Variants in EIF4G3 observed in about 807,000 individuals in gnomAD.
EIF4G3 encodes the protein eIF-4-gamma 3.
In EIF4G3, 34 loss-of-function variants were observed where a neutral mutation model predicts 186.4. The ratio of observed to expected loss-of-function variants is 0.18; its 90% confidence interval spans 0.14 to 0.24. The LOEUF (loss-of-function observed/expected upper bound fraction) is 0.24. Ranked by LOEUF, EIF4G3 falls within the 10% of genes least tolerant of loss-of-function variation. The pLI is 1.00. For synonymous variants in EIF4G3, 673 were observed against 679.5 expected, an observed-to-expected ratio of 0.99 and a Z score of 0.15; for missense variants, 1,536 against 1,948.5, an observed-to-expected ratio of 0.79 and a Z score of 3.99.
intron 20 of EIF4G3, among the ~76,000 whole-genome samples, chr1:20,876,444 A>T (rs1438790517): frequency 8.6e-6 from 1 of 116,594 alleles, no homozygotes; most frequent in South Asian, 2.6e-4. Context: ...TTTATTAAGT[A>T]AAAAAAAAAA....
At chr1:20,833,446 T>C (rs1298576242) in intron 30 of EIF4G3, among the ~76,000 whole-genome samples, 4 of 152,124 alleles carry the variant, frequency 2.6e-5, no homozygotes, top group Non-Finnish European at 1.5e-5. Context: ...GTGATTTTTG[T>C]ACATTGATTT....
At chr1:21,090,398 G>A (rs971107497) in intron 2 of EIF4G3, among the ~76,000 whole-genome samples, 1 of 152,138 alleles carries the variant, frequency 6.6e-6, no homozygotes, top group African/African-American at 2.4e-5. Flanking sequence ...AATTTCATCA[G>A]AGAAATCCAA....
At chr1:21,053,096 G>A (rs1300084346) in intron 3 of EIF4G3, among the ~76,000 whole-genome samples, 2 of 151,230 alleles carry the variant, frequency 1.3e-5, no homozygotes, top group Non-Finnish European at 3.0e-5. Flanking sequence ...GGAAAGTGAG[G>A]AGCGTCTCTG....
chr1:21,053,127 G>C (rs1377825525), intron 3 of EIF4G3, among the ~76,000 whole-genome samples: 1 of 151,854 alleles, frequency 6.6e-6, no homozygotes, highest in East Asian at 2.0e-4. Flanking sequence ...ATCCCATCTA[G>C]GAAGTGAGGA....
intron 2 of EIF4G3, among the ~76,000 whole-genome samples, chr1:21,129,046 A>G (rs923198222): frequency 2.0e-5 from 3 of 152,158 alleles, no homozygotes; most frequent in Non-Finnish European, 2.9e-5. Context: ...CGGGCGGGGT[A>G]GCTCATGCCT....
chr1:21,067,232 A>C lies in EIF4G3; in HGVS notation c.-195-16238T>G, dbSNP rs1334097706. On this transcript the variant is annotated intron_variant, in intron 3 of 36. Coordinates refer to ENST00000602326, the MANE Select transcript of EIF4G3 (RefSeq NM_001391906.1). Reference sequence around the variant, plus strand: ...ACTGCAACCTCTGCTTCTGGGGTTTAAGGGATTCTCCTGCCTCAGCCTCCC... The same window carrying C: ...ACTGCAACCTCTGCTTCTGGGGTTTCAGGGATTCTCCTGCCTCAGCCTCCC... Among the ~76,000 whole-genome samples the C allele has an allele frequency of 2.8e-5, 4 of 143,226 alleles. No homozygotes were observed. The East Asian group carries it at 8.2e-4, about 29-fold the overall frequency. 94.0% of individuals were successfully genotyped at this position (143,226 alleles called of 152,430 possible).
intron 3 of EIF4G3, among the ~76,000 whole-genome samples, chr1:21,071,099 T>C (rs2095427463): frequency 6.6e-6 from 1 of 152,162 alleles, no homozygotes; most frequent in African/African-American, 2.4e-5. Flanking sequence ...AAATAAATGA[T>C]TGATCTAATA....
intron 4 of EIF4G3, among the ~76,000 whole-genome samples, chr1:21,010,683 C>T (rs2086786054): frequency 6.6e-6 from 1 of 152,182 alleles, no homozygotes; most frequent in Non-Finnish European, 1.5e-5. Flanking sequence ...TACTGCACAA[C>T]ACAGGTATAG....
chr1:21,126,753 T>C (rs925971878), intron 2 of EIF4G3, among the ~76,000 whole-genome samples: 39 of 152,048 alleles, frequency 2.6e-4, no homozygotes, highest in African/African-American at 8.7e-4. Context: ...GGTCAATTGA[T>C]GAAGTACAGT....
chr1:20,958,851 G>T (rs1558438660), intron 12 of EIF4G3, among the ~76,000 whole-genome samples: 1 of 152,100 alleles, frequency 6.6e-6, no homozygotes, highest in Non-Finnish European at 1.5e-5. Context: ...CTAAGGAGGT[G>T]AAAATCTCTA....
At chr1:21,078,371 T>A (rs2095653586) in intron 3 of EIF4G3, among the ~76,000 whole-genome samples, 1 of 152,118 alleles carries the variant, frequency 6.6e-6, no homozygotes, top group Non-Finnish European at 1.5e-5. Flanking sequence ...ATATCATGTC[T>A]TTACTCCTAT....
intron 3 of EIF4G3, among the ~76,000 whole-genome samples, chr1:21,085,545 C>T (rs1227741174): frequency 2.0e-5 from 3 of 151,936 alleles, no homozygotes; most frequent in South Asian, 4.2e-4. Flanking sequence ...AAATTACAGG[C>T]TCGCACCACC....
chr1:20,815,780 G>C (rs936902539), intron 34 of EIF4G3, among the ~76,000 whole-genome samples: 2 of 134,016 alleles, frequency 1.5e-5, no homozygotes, highest in African/African-American at 5.7e-5. Context: ...GAGGGAGGTG[G>C]GGGGGTCAGC....
At chr1:20,999,752 A>T (rs185592032) in intron 6 of EIF4G3, 2 of 454,846 alleles carry the variant, frequency 4.4e-6, no homozygotes, top group East Asian at 1.4e-4. Context: ...TTGAAATGAC[A>T]ATAGTCTTAA....
intron 30 of EIF4G3, among the ~76,000 whole-genome samples, chr1:20,839,904 C>A (rs2067975225): frequency 2.7e-5 from 1 of 37,022 alleles, no homozygotes; most frequent in Non-Finnish European, 5.6e-5. Flanking sequence ...AGAACATGAG[C>A]TTGGCAAAAA....
chr1:21,162,352 A>C (rs1157098293), intron 2 of EIF4G3, among the ~76,000 whole-genome samples: 1 of 151,340 alleles, frequency 6.6e-6, no homozygotes, highest in East Asian at 1.9e-4. Context: ...CAGAGGCTGA[A>C]GCAGGAGAAT....
At chr1:20,909,260 AG>A (rs2092794767) in intron 14 of EIF4G3, among the ~76,000 whole-genome samples, 1 of 152,226 alleles carries the variant, frequency 6.6e-6, no homozygotes, top group Admixed American at 6.5e-5. Context: ...ATGCATCCTG[AG>A]GAACTATTCT....
At chr1:20,911,440 T>A (rs2154558248) in intron 14 of EIF4G3, among the ~76,000 whole-genome samples, 1 of 151,266 alleles carries the variant, frequency 6.6e-6, no homozygotes, top group Admixed American at 6.6e-5. Flanking sequence ...TACAAGCTTG[T>A]CATCCCAGCT....
intron 36 of EIF4G3, among the ~76,000 whole-genome samples, chr1:20,808,009 A>G (rs1206932889): frequency 6.6e-6 from 1 of 151,834 alleles, no homozygotes; most frequent in African/African-American, 2.4e-5. Context: ...TCAGCCTCCC[A>G]AGTACCTGGG....
Sources: gnomAD v4.1 joint callset for allele counts (sites outside exome capture counted in the v4.1 genomes callset) on GRCh38, gnomAD v4.1.1 for gene constraint, MANE v1.5 for transcripts, NCBI Gene and HGNC (gene_info 2026-07-23, HGNC 2026-07-21) for gene names.